Variants in IKZF4 observed in about 807,000 individuals in gnomAD.
IKZF4 encodes zinc finger protein Eos.
IKZF4 carries 11 observed loss-of-function variants against 47.7 expected under a neutral mutation model. That is an observed-to-expected ratio of 0.23 (90% CI 0.15 to 0.38). The LOEUF is 0.38. IKZF4 is among the 10% of genes least tolerant of loss of function. IKZF4 has a pLI of 1.00. For synonymous variants in IKZF4, 298 were observed against 299.4 expected (o/e 1.00, Z 0.05); for missense variants, 557 against 784.9 (o/e 0.71, Z 3.47).
At chr12:56,030,963 G>A (rs1024957238) in intron 5 of IKZF4, among the ~76,000 whole-genome samples, 1 of 151,980 alleles carries the variant, frequency 6.6e-6, no homozygotes, top group Admixed American at 6.5e-5. Flanking sequence ...ACAAAGAAAT[G>A]ATAAATGTTT....
rs769701154 is a variant in IKZF4 at position 56,027,016 on chromosome 12, C to T, written c.522C>T (p.Leu174=). The part of the protein sequence containing the change: ...CGMVCIGPNV[L]MVHKRSHTGE... ...TGGTCTGTATTGGACCCAACGTGCT[C>T]ATGGTGCACAAGCGCAGTCACACTG... The change falls in exon 4 of 8, where the codon CTC becomes CTT. Residue 174 remains leucine, a synonymous_variant. Coordinates refer to ENST00000547167, the MANE Select transcript of IKZF4 (RefSeq NM_022465.4). 15 of 1,562,338 alleles carry T rather than the reference C, an allele frequency of 9.6e-6. No individual in the cohort carries two copies. The South Asian group carries it at 1.3e-4, about 14-fold the overall frequency.
chr12:56,032,849 A>G (rs1159890821), intron 6 of IKZF4, 139 bp downstream of exon 6: 1 of 1,062,602 alleles, frequency 9.4e-7, no homozygotes, highest in Non-Finnish European at 1.4e-6. Context: ...AATCTGCCAA[A>G]CACCCCATTC....
upstream of IKZF4, among the ~76,000 whole-genome samples, chr12:56,017,067 T>C (rs1892176992): frequency 6.6e-6 from 1 of 151,994 alleles, no homozygotes; most frequent in Non-Finnish European, 1.5e-5. Flanking sequence ...CAGATAGATT[T>C]TTTTTTTCTC....
intron 1 of IKZF4, among the ~76,000 whole-genome samples, chr12:56,009,297 C>T (rs764980965): frequency 6.6e-6 from 1 of 152,196 alleles, no homozygotes; most frequent in Non-Finnish European, 1.5e-5. Flanking sequence ...TATCTGACTA[C>T]CTAGAATATT....
intron 2 of IKZF4, among the ~76,000 whole-genome samples, chr12:56,012,272 CTTTT>C (rs1227746530): frequency 1.5e-5 from 2 of 134,882 alleles, no homozygotes; most frequent in Non-Finnish European, 3.2e-5. Flanking sequence ...TGTTAAATGA[CTTTT>C]TTTTTTTTTT....
chr12:56,037,617 G>T lies in IKZF4; in HGVS notation c.*2286G>T, dbSNP rs148686094. ...CAACTGTGGCACCTGTAACCTCCCG[G>T]AACATGAAGGACTATGCTCTGAGGC... is the stretch of plus-strand genomic sequence containing the variant. On this transcript the variant is annotated 3_prime_UTR_variant, in exon 8 of 8. Transcript: ENST00000547167. The T allele has an allele frequency of 7.2e-5, 11 of 152,744 alleles. No homozygotes were observed. The East Asian group carries it at 1.2e-3, about 16-fold the overall frequency. The allele number at this position is 152,744 out of a possible 1,614,324, so 9.5% of individuals were successfully genotyped here.
At chr12:56,008,829 C>G (rs1279808146) in intron 1 of IKZF4, among the ~76,000 whole-genome samples, 1 of 152,014 alleles carries the variant, frequency 6.6e-6, no homozygotes, top group African/African-American at 2.4e-5. Context: ...CACCCGCCAC[C>G]ACCCCTGGCT....
At chr12:56,022,838 C>T (rs1203212231) in intron 1 of IKZF4, among the ~76,000 whole-genome samples, 9 of 139,734 alleles carry the variant, frequency 6.4e-5, no homozygotes, top group Non-Finnish European at 1.4e-4. Flanking sequence ...CTCGCTCTGT[C>T]GCCCAGGCTG....
intron 7 of IKZF4, among the ~76,000 whole-genome samples, chr12:56,033,938 C>T (rs565532415): frequency 1.2e-4 from 18 of 152,124 alleles, no homozygotes; most frequent in Middle Eastern, 6.8e-3. Context: ...CTTGCTCTGT[C>T]GCCCAGGCTA....
chr12:56,009,657 A>T (rs1244451316), intron 1 of IKZF4, among the ~76,000 whole-genome samples: 1 of 152,220 alleles, frequency 6.6e-6, no homozygotes, highest in African/African-American at 2.4e-5. Flanking sequence ...GAATGGTGAG[A>T]GCTGCCCTCA....
intron 1 of IKZF4, 86 bp downstream of exon 1, chr12:56,021,666 G>T (rs1385406719): frequency 1.3e-6 from 2 of 1,518,276 alleles, no homozygotes; most frequent in Non-Finnish European, 1.8e-6. Flanking sequence ...TCCCAAGCCT[G>T]AGGAGATGGA....
At chr12:56,014,595 A>G (rs183576574) in intron 2 of IKZF4, among the ~76,000 whole-genome samples, 3 of 152,204 alleles carry the variant, frequency 2.0e-5, no homozygotes, top group African/African-American at 7.2e-5. Context: ...CCCCACTCCC[A>G]CAGGGATCAC....
chr12:56,010,782 A>C (rs772923), intron 1 of IKZF4, among the ~76,000 whole-genome samples: 127,029 of 152,076 alleles, frequency 0.84, 54,488 homozygotes, highest in East Asian at 1. Context: ...AATTGTAGAT[A>C]ATCTCTCAAC....
At chr12:56,028,070 C>A in intron 5 of IKZF4, 123 bp downstream of exon 5, 1 of 1,130,022 alleles carries the variant, frequency 8.8e-7, no homozygotes, top group Non-Finnish European at 1.2e-6. Flanking sequence ...GGAGCATTTA[C>A]AGAGCAGATA....
chr12:56,013,171 G>A (rs1222080989), intron 2 of IKZF4, among the ~76,000 whole-genome samples: 2 of 151,948 alleles, frequency 1.3e-5, no homozygotes, highest in Non-Finnish European at 2.9e-5. Context: ...GTGCCTACCC[G>A]CCATCACTGA....
chr12:56,033,062 C>T, intron 6 of IKZF4, 128 bp from the exon 7 acceptor site: 1 of 1,105,704 alleles, frequency 9.0e-7, no homozygotes, highest in South Asian at 1.6e-5. Context: ...TAAACAGAGC[C>T]CAGTTTCCCA....
At chr12:56,020,915 G>A (rs778344385), upstream of IKZF4, 14 of 993,532 alleles carry the variant, frequency 1.4e-5, no homozygotes, top group African/African-American at 7.0e-5. Context: ...GAAGCTGTCC[G>A]TGTCCTGGGC....
rs1892830253 is a variant in IKZF4 at position 56,021,086 on chromosome 12, G to T, written c.-408G>T. ...GGCATTTGTTGTGCAGTTCCTCTTT[G>T]TCTGCTGGGCACGAGGGGCAACAGC... On this transcript the variant is annotated 5_prime_UTR_variant, in exon 1 of 8. Transcript: ENST00000547167. 1 of 1,258,216 alleles carries T rather than the reference G, an allele frequency of 7.9e-7. No homozygotes were observed. The highest frequency in any genetic ancestry group is 1.9e-5 in the South Asian group (1 of 51,340). 77.9% of individuals were successfully genotyped at this position (1,258,216 alleles called of 1,614,324 possible). A position where few individuals can be genotyped will look rare whatever the true frequency, so the allele number is the denominator to read the frequency against.
chr12:56,008,668 G>A (rs1890983285), intron 1 of IKZF4, among the ~76,000 whole-genome samples: 1 of 115,236 alleles, frequency 8.7e-6, no homozygotes, highest in South Asian at 3.2e-4. Context: ...CTGCTTCCAG[G>A]AAATTTTTTT....
Sources: allele counts gnomAD v4.1 joint callset (sites outside exome capture counted in the v4.1 genomes callset), GRCh38; gene constraint gnomAD v4.1.1; transcripts MANE v1.5; gene names NCBI Gene and HGNC (gene_info 2026-07-23, HGNC 2026-07-21).